Variants in ELP4 observed in about 807,000 individuals in gnomAD.
The protein encoded by ELP4 is elongator complex protein 4.
ELP4 carries 51 observed loss-of-function variants against 48.9 expected under a neutral mutation model. The ratio of observed to expected loss-of-function variants is 1.04; its 90% confidence interval spans 0.83 to 1.32. The LOEUF (loss-of-function observed/expected upper bound fraction) is 1.32. Ranked by LOEUF, ELP4 falls within the 40% of genes most tolerant of loss-of-function variation. The pLI is 0.00. For missense variants in ELP4, 519 were observed against 514.6 expected, an observed-to-expected ratio of 1.01 and a Z score of -0.08; for synonymous variants, 210 against 189.2, an observed-to-expected ratio of 1.11 and a Z score of -0.90.
chr11:31,555,013 A>C (rs1396118350), intron 3 of ELP4, among the ~76,000 whole-genome samples: 1 of 152,194 alleles, frequency 6.6e-6, no homozygotes, highest in Non-Finnish European at 1.5e-5. Flanking sequence ...TTTGCTTTTA[A>C]ATAAAGCCAC....
chr11:31,582,926 G>A (rs996300131), intron 3 of ELP4, among the ~76,000 whole-genome samples: 2 of 152,106 alleles, frequency 1.3e-5, no homozygotes, highest in Non-Finnish European at 2.9e-5. Flanking sequence ...GGAAGAGGAA[G>A]TCCTTTCACC....
chr11:31,619,876 T>A (rs1263678740), intron 5 of ELP4, among the ~76,000 whole-genome samples: 2 of 152,034 alleles, frequency 1.3e-5, no homozygotes, highest in African/African-American at 4.8e-5. Flanking sequence ...TGTCCATGTG[T>A]TCTCAAATTC....
intron 5 of ELP4, among the ~76,000 whole-genome samples, chr11:31,617,883 T>C (rs1394484056): frequency 6.6e-6 from 1 of 152,014 alleles, no homozygotes. Context: ...GAACATAAAA[T>C]AGTAGTCTTT....
chr11:31,666,757 T>A (rs1325782040), intron 9 of ELP4, among the ~76,000 whole-genome samples: 1 of 148,848 alleles, frequency 6.7e-6, no homozygotes, highest in Admixed American at 6.7e-5. Flanking sequence ...TAGAGAAATG[T>A]AAAGTCTAGA....
intron 5 of ELP4, among the ~76,000 whole-genome samples, chr11:31,621,476 C>A (rs55721038): frequency 0.027 from 4,030 of 151,698 alleles, 165 homozygotes; most frequent in African/African-American, 0.092. Context: ...TAATGCAATC[C>A]CTGGCTTTAC....
intron 9 of ELP4, among the ~76,000 whole-genome samples, chr11:31,735,376 A>T (rs1472520231): frequency 6.6e-6 from 1 of 152,148 alleles, no homozygotes; most frequent in African/African-American, 2.4e-5. Context: ...GTAGTACTTT[A>T]AAAAATAAAA....
chr11:31,780,770 C>G (rs1201170783), intron 9 of ELP4: 1 of 152,214 alleles, frequency 6.6e-6, no homozygotes, highest in Admixed American at 6.5e-5. Context: ...AGGTAGGCTC[C>G]TGAAATAAAT....
At chr11:31,543,584 G>A (rs560307772) in intron 3 of ELP4, among the ~76,000 whole-genome samples, 46 of 152,284 alleles carry the variant, frequency 3.0e-4, no homozygotes, top group African/African-American at 1.1e-3. Context: ...CTCCCAACGT[G>A]CTGGGCAAAC....
intron 9 of ELP4, among the ~76,000 whole-genome samples, chr11:31,690,586 A>G (rs1592226343): frequency 1.3e-5 from 2 of 152,220 alleles, no homozygotes; most frequent in South Asian, 2.1e-4. Flanking sequence ...ATTAGTTTAC[A>G]AAGTCTGAGT....
At chr11:31,694,959 T>C (rs1946368515) in intron 9 of ELP4, among the ~76,000 whole-genome samples, 2 of 152,134 alleles carry the variant, frequency 1.3e-5, no homozygotes, top group African/African-American at 2.4e-5. Context: ...TGGCTCTCTG[T>C]CTGTTATTGG....
intron 7 of ELP4, among the ~76,000 whole-genome samples, chr11:31,636,444 A>G (rs989877310): frequency 2.6e-5 from 4 of 151,930 alleles, no homozygotes; most frequent in Non-Finnish European, 5.9e-5. Context: ...AAACCAGCCA[A>G]TCGGTGTTCT....
chr11:31,634,748 A>ATT (rs1256397887), intron 7 of ELP4, among the ~76,000 whole-genome samples: 1 of 152,026 alleles, frequency 6.6e-6, no homozygotes, highest in East Asian at 1.9e-4. Context: ...TGGAAGAGAG[A>ATT]TTAAATTTAT....
At chr11:31,550,584 A>G (rs902321164) in intron 3 of ELP4, among the ~76,000 whole-genome samples, 11 of 152,180 alleles carry the variant, frequency 7.2e-5, no homozygotes, top group African/African-American at 2.4e-5. Flanking sequence ...TGACATTTAC[A>G]GATTTTGTAT....
chr11:31,723,106 AC>A (rs1321287787), intron 9 of ELP4, among the ~76,000 whole-genome samples: 2 of 152,204 alleles, frequency 1.3e-5, no homozygotes, highest in African/African-American at 4.8e-5. Flanking sequence ...GGGCAGGACA[AC>A]TGTCTCCATG....
intron 3 of ELP4, among the ~76,000 whole-genome samples, chr11:31,572,708 G>T (rs914372082): frequency 3.9e-5 from 6 of 152,130 alleles, no homozygotes; most frequent in African/African-American, 1.4e-4. Context: ...TGTAAAAAAG[G>T]TTTGTAGTAG....
In ELP4 at chr11:31,784,422, A is replaced by G. The variant is rs1948451112; in HGVS notation, c.*898A>G. On this transcript the variant is annotated 3_prime_UTR_variant, in exon 10 of 10. Coordinates refer to ENST00000640961, the MANE Select transcript of ELP4 (RefSeq NM_019040.5). Reference sequence around the variant, plus strand: ...TAAACATGTCTTTGGGGGGTATAGCATATCGAACCAGTTTTCATATGAAAC... The same window carrying G: ...TAAACATGTCTTTGGGGGGTATAGCGTATCGAACCAGTTTTCATATGAAAC... 1 of 152,176 alleles carries G rather than the reference A, an allele frequency of 6.6e-6. No individual in the cohort carries two copies. Among genetic ancestry groups the G allele is most frequent in the Non-Finnish European group, 1.5e-5 (1 of 67,970 alleles). 9.4% of individuals were successfully genotyped at this position (152,176 alleles called of 1,614,324 possible). A position where few individuals can be genotyped will look rare whatever the true frequency, so the allele number is the denominator to read the frequency against.
chr11:31,699,986 C>T (rs906999637), intron 9 of ELP4, among the ~76,000 whole-genome samples: 1 of 152,022 alleles, frequency 6.6e-6, no homozygotes, highest in East Asian at 1.9e-4. Flanking sequence ...AATGTCCTGA[C>T]GATACTGGGG....
intron 2 of ELP4, among the ~76,000 whole-genome samples, chr11:31,523,348 G>A (rs1956246493): frequency 6.6e-6 from 1 of 152,128 alleles, no homozygotes; most frequent in Non-Finnish European, 1.5e-5. Context: ...AATTCCAGAA[G>A]TAAGAGAAAA....
chr11:31,742,896 A>C (rs1455213343), intron 9 of ELP4, among the ~76,000 whole-genome samples: 3 of 152,190 alleles, frequency 2.0e-5, no homozygotes, highest in Non-Finnish European at 4.4e-5. Flanking sequence ...ATTCACACAT[A>C]ACAATATTAA....
Sources: allele counts gnomAD v4.1 joint callset (sites outside exome capture counted in the v4.1 genomes callset), GRCh38; gene constraint gnomAD v4.1.1; transcripts MANE v1.5; gene names NCBI Gene and HGNC (gene_info 2026-07-23, HGNC 2026-07-21).